Variants in CERS4 observed in about 807,000 individuals in gnomAD.
The protein encoded by CERS4 is LAG1 homolog, ceramide synthase 4.
In CERS4, 65 loss-of-function variants were observed where a neutral mutation model predicts 51.8. That is an observed-to-expected ratio of 1.26 (90% CI 1.03 to 1.54). The LOEUF (loss-of-function observed/expected upper bound fraction) is 1.54. Ranked by LOEUF, CERS4 falls within the 40% of genes most tolerant of loss-of-function variation. CERS4 has a pLI of 0.00. For synonymous variants in CERS4, 228 were observed against 208.4 expected, an observed-to-expected ratio of 1.09 and a Z score of -0.81; for missense variants, 563 against 500.4, an observed-to-expected ratio of 1.13 and a Z score of -1.19.
chr19:8,250,972 A>G, intron 2 of CERS4, 104 bp from the exon 3 acceptor site: 2 of 1,484,002 alleles, frequency 1.3e-6, no homozygotes, highest in South Asian at 1.4e-5. Flanking sequence ...AACTGCGCTG[A>G]TAGGGGCCCG....
At chr19:8,220,041 G>A (rs539737606) in intron 2 of CERS4, among the ~76,000 whole-genome samples, 3 of 151,442 alleles carry the variant, frequency 2.0e-5, no homozygotes, top group East Asian at 3.9e-4. Context: ...GGAGCTCCAC[G>A]GCTGCTGCCC....
intron 2 of CERS4, among the ~76,000 whole-genome samples, chr19:8,220,268 G>A (rs1485304822): frequency 2.9e-5 from 4 of 139,710 alleles, no homozygotes; most frequent in Non-Finnish European, 6.1e-5. Flanking sequence ...ACCCCTCCCC[G>A]AGGCTCCTGT....
intron 2 of CERS4, among the ~76,000 whole-genome samples, chr19:8,234,794 T>TC (rs1223734172): frequency 6.6e-6 from 1 of 151,612 alleles, no homozygotes; most frequent in Non-Finnish European, 1.5e-5. Flanking sequence ...CCTCAGGTGA[T>TC]CCACCTGCCT....
intron 11 of CERS4, 33 bp from the exon 12 acceptor site, chr19:8,261,897 G>C: frequency 6.2e-7 from 1 of 1,611,934 alleles, no homozygotes; most frequent in Non-Finnish European, 8.5e-7. Context: ...CTTCCTCCCT[G>C]CTCTGAGCTC....
At chr19:8,217,010 G>A (rs997993358) in intron 2 of CERS4, among the ~76,000 whole-genome samples, 2 of 152,072 alleles carry the variant, frequency 1.3e-5, no homozygotes, top group Admixed American at 6.6e-5. Flanking sequence ...TCAGCTTCCC[G>A]GGGACCTTGC....
At chr19:8,232,537 C>A (rs1968058690) in intron 2 of CERS4, among the ~76,000 whole-genome samples, 1 of 151,970 alleles carries the variant, frequency 6.6e-6, no homozygotes, top group East Asian at 1.9e-4. Flanking sequence ...GATGATCTGC[C>A]CACCTCGGCC....
In CERS4 at chr19:8,210,507, T is replaced by G. The variant is rs1468113501; in HGVS notation, c.-158-199T>G. On this transcript the variant is annotated intron_variant, in intron 1 of 11. Coordinates refer to ENST00000251363, the MANE Select transcript of CERS4 (RefSeq NM_024552.3). This position sits in a 1 kb window ranked among gnomAD's most constrained non-coding sequence, Gnocchi z 4.2. ...GGCAGGGGGAGAGGCTGTTGTGGTT[T>G]GCAAAACCTACCAGATGGGGGAATG... Among the ~76,000 whole-genome samples the G allele has an allele frequency of 6.6e-6, 1 of 151,874 alleles. No individual in the cohort carries two copies. Among genetic ancestry groups the G allele is most frequent in the East Asian group, 1.9e-4 (1 of 5,182 alleles).
intron 3 of CERS4, among the ~76,000 whole-genome samples, chr19:8,252,599 T>G (rs1385705582): frequency 1.3e-5 from 2 of 151,922 alleles, no homozygotes; most frequent in Non-Finnish European, 1.5e-5. Context: ...CCACCACACC[T>G]GACTAATTTT....
At chr19:8,240,841 T>C (rs1968508062) in intron 2 of CERS4, among the ~76,000 whole-genome samples, 1 of 152,142 alleles carries the variant, frequency 6.6e-6, no homozygotes, top group African/African-American at 2.4e-5. Flanking sequence ...CCTCTACTCA[T>C]GCCCCCTAAC....
intron 10 of CERS4, chr19:8,260,968 AAAAAAAAAACAAG>A (rs1969662539): frequency 6.8e-6 from 1 of 147,658 alleles, no homozygotes; most frequent in African/African-American, 2.5e-5. Flanking sequence ...AAAAAAAAAA[AAAAAAAAAACAAG>A]AACCACAGCT....
chr19:8,223,650 G>A (rs1400931890), intron 2 of CERS4, among the ~76,000 whole-genome samples: 2 of 151,772 alleles, frequency 1.3e-5, no homozygotes, highest in Non-Finnish European at 2.9e-5. Context: ...GCCGGGCGTG[G>A]CAGTGCACGC....
intron 2 of CERS4, chr19:8,238,688 G>C (rs1030030338): frequency 1.5e-6 from 1 of 684,608 alleles, no homozygotes; most frequent in African/African-American, 1.9e-5. Context: ...GACAGGAGAG[G>C]TGGTTGCCAG....
In CERS4 at chr19:8,261,983, G is replaced by A. The variant is rs138254504; in HGVS notation, c.1059G>A (p.Ala353=). The change falls in exon 12 of 12, where the codon GCG becomes GCA. Residue 353 remains alanine (A), a synonymous_variant. Transcript: ENST00000251363. ...AAGAATCAGACTCCAGTGAGGAGGCGGCGGCGGCCCAGGAACCTCTGCAGC... is the reference window on the plus strand; with the variant it reads ...AAGAATCAGACTCCAGTGAGGAGGCAGCGGCGGCCCAGGAACCTCTGCAGC... ...DVEESDSSEE[A]AAAQEPLQLK... is the part of the protein sequence containing the mutation. 3.3e-5 allele frequency: 52 copies of A among 1,598,452 alleles called. No homozygotes were observed. Among genetic ancestry groups the A allele is most frequent in the South Asian group, 3.4e-5 (3 of 89,084 alleles).
At position 8,254,079 on chromosome 19, in the gene CERS4, C is replaced by A. The variant is rs1969234636; in HGVS notation, c.174-420C>A. On this transcript the variant is annotated intron_variant, in intron 3 of 11. Coordinates refer to ENST00000251363, the MANE Select transcript of CERS4 (RefSeq NM_024552.3). ...GCTCACCGCTGGTAATCCCAGCCCT[C>A]TGGGAGGCCGAGGTGGGCAGATCAC... 6.6e-5 allele frequency among the ~76,000 whole-genome samples: 10 copies of A among 152,042 alleles called. No individual in the cohort carries two copies. The South Asian group carries it at 2.1e-3, about 32-fold the overall frequency.
chr19:8,239,496 G>A (rs968459828), intron 2 of CERS4: 3 of 152,220 alleles, frequency 2.0e-5, no homozygotes, highest in African/African-American at 4.8e-5. Flanking sequence ...CTTGCTTTTT[G>A]GGGAAACTTT....
chr19:8,212,296 C>T (rs1318511167), intron 2 of CERS4, among the ~76,000 whole-genome samples: 1 of 151,962 alleles, frequency 6.6e-6, no homozygotes, highest in Non-Finnish European at 1.5e-5. Flanking sequence ...GGGGCTGGAC[C>T]AGGTGAAGGC....
At chr19:8,229,163 A>G (rs1394387185) in intron 2 of CERS4, among the ~76,000 whole-genome samples, 1 of 152,052 alleles carries the variant, frequency 6.6e-6, no homozygotes, top group Non-Finnish European at 1.5e-5. Flanking sequence ...CATCTCTACA[A>G]AAAATTAAAA....
chr19:8,260,371 T>TA (rs1237715964), intron 10 of CERS4, among the ~76,000 whole-genome samples: 1 of 27,704 alleles, frequency 3.6e-5, no homozygotes, highest in Non-Finnish European at 6.0e-5. Flanking sequence ...ATTTTTGTAT[T>TA]TTTTTTTTTT....
In CERS4 at chr19:8,261,860, C is replaced by G; in HGVS notation, c.1005+16C>G. 8 of 1,613,940 alleles carry G rather than the reference C, an allele frequency of 5.0e-6. No individual in the cohort carries two copies. The highest frequency in any genetic ancestry group is 6.8e-6 in the Non-Finnish European group (8 of 1,179,852). On this transcript the variant is annotated intron_variant, in intron 11 of 11. Transcript: ENST00000251363. ...GAAGGGCCAGGTATGGCTGGACCTCCCCGGGGGCCCCAGCCCTAAGCTCCT... is the reference window on the plus strand; with the variant it reads ...GAAGGGCCAGGTATGGCTGGACCTCGCCGGGGGCCCCAGCCCTAAGCTCCT...
Sources: allele counts gnomAD v4.1 joint callset (sites outside exome capture counted in the v4.1 genomes callset), GRCh38; gene constraint gnomAD v4.1.1; non-coding constraint Gnocchi (gnomAD v3.1); transcripts MANE v1.5; gene names NCBI Gene and HGNC (gene_info 2026-07-23, HGNC 2026-07-21).